Variants in ATP10A observed in about 807,000 individuals in gnomAD.
ATP10A encodes the protein phospholipid-transporting ATPase VA.
ATP10A carries 111 observed loss-of-function variants against 147.8 expected under a neutral mutation model. The ratio of observed to expected loss-of-function variants is 0.75; its 90% confidence interval spans 0.64 to 0.88. The LOEUF (loss-of-function observed/expected upper bound fraction) is 0.88. Among genes scored for constraint, ATP10A ranks in the 40% least tolerant of loss-of-function variants. ATP10A has a pLI of 0.00. For missense variants in ATP10A, 1,927 were observed against 1,959.0 expected, an observed-to-expected ratio of 0.98 and a Z score of 0.31; for synonymous variants, 875 against 841.6, an observed-to-expected ratio of 1.04 and a Z score of -0.69.
chr15:25,816,893 A>G (rs557046147), intron 1 of ATP10A, among the ~76,000 whole-genome samples: 92 of 152,138 alleles, frequency 6.0e-4, no homozygotes, highest in Non-Finnish European at 1.1e-3. Context: ...CAATTGTAAA[A>G]CAAACAAAAA....
chr15:25,673,424 G>A (rs1430035592), downstream of ATP10A, among the ~76,000 whole-genome samples: 1 of 152,218 alleles, frequency 6.6e-6, no homozygotes, highest in African/African-American at 2.4e-5. Flanking sequence ...TGCAAAAGAG[G>A]TACATTTCTG....
chr15:25,684,620 G>A (rs554410822), intron 16 of ATP10A, among the ~76,000 whole-genome samples: 7 of 152,280 alleles, frequency 4.6e-5, no homozygotes, highest in African/African-American at 9.6e-5. Context: ...CTGAGGTCAC[G>A]GTGTGAGTAA....
chr15:25,809,448 A>T (rs1342173149), intron 1 of ATP10A, among the ~76,000 whole-genome samples: 1 of 152,216 alleles, frequency 6.6e-6, no homozygotes, highest in Non-Finnish European at 1.5e-5. Flanking sequence ...TGGAGTATCA[A>T]ACCTTAATTT....
In ATP10A at chr15:25,795,373, C is replaced by T. The variant is rs1174431396; in HGVS notation, c.450-14150G>A. On this transcript the variant is annotated intron_variant, in intron 1 of 20. Transcript: ENST00000555815. ...TGTTTAACATCTAATGAATGGCGACCTTGGGCTTTCCCTGCCACCTGCTGA... is the reference window on the plus strand; with the variant it reads ...TGTTTAACATCTAATGAATGGCGACTTTGGGCTTTCCCTGCCACCTGCTGA... Among the ~76,000 whole-genome samples, 5 of 151,936 alleles carry T rather than the reference C, an allele frequency of 3.3e-5. No individual in the cohort carries two copies. The East Asian group carries it at 7.8e-4, about 24-fold the overall frequency.
Position 25,680,220 on chromosome 15 carries a change from T to C in ATP10A, c.3767A>G (p.Tyr1256Cys), listed in dbSNP as rs371380863. ...LIYNASCATC[Y>C]PPSNPYWTMQ... ...AGTCCAGTAAGGGTTGGACGGAGGATAGCACGTGGCACAAGACGCATTGTA... is the reference window on the plus strand; with the variant it reads ...AGTCCAGTAAGGGTTGGACGGAGGACAGCACGTGGCACAAGACGCATTGTA... Residue 1256 changes from tyrosine (Y) to cysteine (C), a missense_variant, in exon 20 of 21, where the codon TAT becomes TGT. Physicochemically the swap from Tyr to Cys is radical, Grantham distance 194. Coordinates refer to ENST00000555815, the MANE Select transcript of ATP10A (RefSeq NM_024490.4). 31 of 1,613,920 alleles carry C rather than the reference T, an allele frequency of 1.9e-5. No homozygotes were observed. The highest frequency in any genetic ancestry group is 3.3e-5 in the Admixed American group (2 of 59,996).
chr15:25,860,843 C>G (rs902927182), intron 1 of ATP10A, among the ~76,000 whole-genome samples: 1 of 152,208 alleles, frequency 6.6e-6, no homozygotes, highest in Non-Finnish European at 1.5e-5. Context: ...GGATTCAAAG[C>G]ACTTTGCCAA....
intron 1 of ATP10A, among the ~76,000 whole-genome samples, chr15:25,832,149 G>A (rs1164262364): frequency 2.0e-5 from 3 of 152,178 alleles, no homozygotes; most frequent in Non-Finnish European, 4.4e-5. Flanking sequence ...GGGACGTAAG[G>A]ACTGGCGGCC....
intron 10 of ATP10A, 150 bp from the exon 11 acceptor site, chr15:25,708,450 G>A (rs1337412463): frequency 1.6e-6 from 1 of 638,052 alleles, no homozygotes; most frequent in African/African-American, 2.0e-5. Context: ...GAGCTGTTAT[G>A]TTTTAAAAAA....
At chr15:25,786,409 C>T (rs1413684385) in intron 1 of ATP10A, among the ~76,000 whole-genome samples, 1 of 152,160 alleles carries the variant, frequency 6.6e-6, no homozygotes, top group Non-Finnish European at 1.5e-5. Context: ...TCCATGAAGG[C>T]AGACAGTCCT....
chr15:25,849,021 C>T lies in ATP10A; in HGVS notation c.449+13627G>A, dbSNP rs141254719. Among the ~76,000 whole-genome samples the T allele has an allele frequency of 3.3e-3, 501 of 152,104 alleles. 1 individual carries two copies. The highest frequency in any genetic ancestry group is 6.0e-3 in the South Asian group (29 of 4,816). On this transcript the variant is annotated intron_variant, in intron 1 of 20. Coordinates refer to ENST00000555815, the MANE Select transcript of ATP10A (RefSeq NM_024490.4). ...GGAGGGGGAACATAGGGGAGACCAG[C>T]GTCCTAGGAGGCAGAGACCTTGGTG...
At chr15:25,732,601 G>A (rs184270406) in intron 3 of ATP10A, among the ~76,000 whole-genome samples, 131 of 76,022 alleles carry the variant, frequency 1.7e-3, no homozygotes, top group Admixed American at 0.012. Flanking sequence ...TGTCACCCAG[G>A]CTGGAGTGCA....
intron 1 of ATP10A, among the ~76,000 whole-genome samples, chr15:25,786,615 A>ATTT (rs1890170247): frequency 1.0e-5 from 1 of 98,098 alleles, no homozygotes; most frequent in African/African-American, 4.3e-5. Context: ...CATCATTATC[A>ATTT]TCTTTTTTTT....
chr15:25,713,701 T>C lies in ATP10A; in HGVS notation c.2317A>G (p.Met773Val), dbSNP rs748061118. The C allele has an allele frequency of 8.1e-6, 13 of 1,614,054 alleles. No homozygotes were observed. The highest frequency in any genetic ancestry group is 1.3e-5 in the African/African-American group (1 of 75,048). The part of the protein sequence containing the change: ...VYTKGADSVV[M>V]DLLQPCSSVD... The stretch of plus-strand genomic sequence containing the variant: ...GAAGAGCAGGGCTGCAGGAGATCCA[T>C]GACCACTGAGTCGGCCCCCTTGGTG... The change falls in exon 10 of 21, where the codon ATG (methionine) becomes GTG (valine). Residue 773 changes from methionine to valine, a missense_variant. By Grantham distance (21) the Met-to-Val change is conservative (BLOSUM62 1). Transcript: ENST00000555815.
At chr15:25,770,045 C>T (rs896590812) in intron 2 of ATP10A, among the ~76,000 whole-genome samples, 5 of 152,180 alleles carry the variant, frequency 3.3e-5, no homozygotes, top group African/African-American at 1.2e-4. Flanking sequence ...CTTCCAGACT[C>T]CGGAACTGTG....
intron 1 of ATP10A, among the ~76,000 whole-genome samples, chr15:25,839,465 C>T (rs1892721031): frequency 6.6e-6 from 1 of 152,100 alleles, no homozygotes; most frequent in South Asian, 2.1e-4. Flanking sequence ...TCTCCGTACC[C>T]GTGAGAGATG....
At chr15:25,775,133 T>C (rs1889540465) in intron 2 of ATP10A, among the ~76,000 whole-genome samples, 1 of 152,206 alleles carries the variant, frequency 6.6e-6, no homozygotes, top group Non-Finnish European at 1.5e-5. Flanking sequence ...CTAAATTTCA[T>C]TAAAGACTAA....
chr15:25,830,436 C>A (rs1192378326), intron 1 of ATP10A, among the ~76,000 whole-genome samples: 1 of 152,226 alleles, frequency 6.6e-6, no homozygotes, highest in Non-Finnish European at 1.5e-5. Flanking sequence ...CACCACACTG[C>A]CCCTTTGCAA....
At chr15:25,715,510 C>T (rs971258217) in intron 9 of ATP10A, among the ~76,000 whole-genome samples, 1 of 152,260 alleles carries the variant, frequency 6.6e-6, no homozygotes, top group Non-Finnish European at 1.5e-5. Context: ...CAGTCAGGGT[C>T]TAGCCCAGAA....
intron 1 of ATP10A, among the ~76,000 whole-genome samples, chr15:25,789,345 A>T (rs947715814): frequency 2.0e-5 from 3 of 152,216 alleles, no homozygotes; most frequent in Non-Finnish European, 2.9e-5. Flanking sequence ...AAGTGAGGTC[A>T]GCCTGGGGGA....
Sources: allele counts gnomAD v4.1 joint callset (sites outside exome capture counted in the v4.1 genomes callset), GRCh38; gene constraint gnomAD v4.1.1; transcripts MANE v1.5; gene names NCBI Gene and HGNC (gene_info 2026-07-23, HGNC 2026-07-21).